NEDD4: variants seen among roughly 807,000 people sequenced by gnomAD.
NEDD4 encodes the protein E3 ubiquitin-protein ligase NEDD4.
In NEDD4, 99 loss-of-function variants were observed where a neutral mutation model predicts 144.9. The observed-to-expected ratio is 0.68, with a 90% CI of 0.58 to 0.81. The LOEUF (loss-of-function observed/expected upper bound fraction) is 0.81. Among genes scored for constraint, NEDD4 ranks in the 30% least tolerant of loss-of-function variants. The pLI, the probability that NEDD4 is intolerant of heterozygous loss-of-function variation, is 0.00. For missense variants in NEDD4, 985 were observed against 1,065.9 expected (o/e 0.92, Z 1.06); for synonymous variants, 318 against 350.6 (o/e 0.91, Z 1.04).
intron 5 of NEDD4, among the ~76,000 whole-genome samples, chr15:55,879,785 T>A (rs917455816): frequency 6.6e-6 from 1 of 151,922 alleles, no homozygotes; most frequent in Non-Finnish European, 1.5e-5. Flanking sequence ...AACTTCAAGA[T>A]AGAGTTAGAA....
chr15:55,930,083 G>A (rs917639234), intron 4 of NEDD4, among the ~76,000 whole-genome samples: 2 of 152,052 alleles, frequency 1.3e-5, no homozygotes, highest in Non-Finnish European at 2.9e-5. Context: ...AACCCCTAAT[G>A]CCCTAAAAAA....
chr15:55,873,389 A>C (rs1470600054), intron 6 of NEDD4, among the ~76,000 whole-genome samples: 1 of 152,182 alleles, frequency 6.6e-6, no homozygotes, highest in Non-Finnish European at 1.5e-5. Context: ...TTTGTCCAAA[A>C]ATAAATTTTT....
intron 21 of NEDD4, 151 bp from the exon 22 acceptor site, chr15:55,838,755 T>G (rs1335808692): frequency 5.7e-6 from 3 of 526,616 alleles, no homozygotes; most frequent in Non-Finnish European, 1.0e-5. Flanking sequence ...CAAAAATGTA[T>G]GTGTGTATGT....
intron 1 of NEDD4, among the ~76,000 whole-genome samples, chr15:55,986,531 C>G (rs2140453339): frequency 6.6e-6 from 1 of 151,050 alleles, no homozygotes; most frequent in Non-Finnish European, 1.5e-5. Flanking sequence ...TAAACAGACC[C>G]AAACAGACCC....
At chr15:55,851,420 T>C (rs1231492178) in intron 13 of NEDD4, among the ~76,000 whole-genome samples, 1 of 151,642 alleles carries the variant, frequency 6.6e-6, no homozygotes, top group Non-Finnish European at 1.5e-5. Flanking sequence ...ATAAAATGAG[T>C]GTTCTCTCGT....
chr15:55,922,014 TCA>T (rs2036577194), intron 5 of NEDD4, among the ~76,000 whole-genome samples: 1 of 152,196 alleles, frequency 6.6e-6, no homozygotes, highest in African/African-American at 2.4e-5. Context: ...CAGGCAAAAT[TCA>T]CATCGGTATC....
chr15:55,853,727 C>CGTAT, intron 12 of NEDD4, among the ~76,000 whole-genome samples: 1 of 152,178 alleles, frequency 6.6e-6, no homozygotes, highest in African/African-American at 2.4e-5. Context: ...GATGGCTCAC[C>CGTAT]CCTGTAATCC....
At chr15:55,950,636 A>C (rs1373595842) in intron 4 of NEDD4, among the ~76,000 whole-genome samples, 1 of 152,160 alleles carries the variant, frequency 6.6e-6, no homozygotes, top group Non-Finnish European at 1.5e-5. Context: ...ATGGGGATTT[A>C]GAGTACAGTG....
chr15:55,980,793 G>A (rs1020990629), intron 1 of NEDD4, among the ~76,000 whole-genome samples: 1 of 149,090 alleles, frequency 6.7e-6, no homozygotes, highest in Non-Finnish European at 1.5e-5. Flanking sequence ...TGTGTGTAGG[G>A]GTGTGTGTGT....
At chr15:55,932,823 G>GA (rs1298260824) in intron 4 of NEDD4, among the ~76,000 whole-genome samples, 8 of 150,500 alleles carry the variant, frequency 5.3e-5, no homozygotes, top group African/African-American at 1.5e-4. Flanking sequence ...AAATTTACAA[G>GA]AAAAAAAAAT....
intron 19 of NEDD4, among the ~76,000 whole-genome samples, chr15:55,841,214 G>A (rs1483173038): frequency 1.3e-5 from 2 of 152,222 alleles, no homozygotes; most frequent in Admixed American, 6.5e-5. Flanking sequence ...TTACAGGCAT[G>A]AGCCACCACG....
intron 2 of NEDD4, among the ~76,000 whole-genome samples, chr15:55,956,206 T>G (rs2037335680): frequency 1.3e-5 from 2 of 152,346 alleles, no homozygotes; most frequent in South Asian, 4.1e-4. Context: ...CATTTGACAA[T>G]GGACATTTAG....
chr15:55,841,065 C>G (rs1221659067), intron 19 of NEDD4, among the ~76,000 whole-genome samples: 1 of 152,134 alleles, frequency 6.6e-6, no homozygotes, highest in Non-Finnish European at 1.5e-5. Flanking sequence ...TCCCAAGTAG[C>G]TGGAATTACA....
Position 55,829,177 on chromosome 15 carries a change from C to T in NEDD4, c.*720G>A, listed in dbSNP as rs1385256501. 1 of 152,246 alleles carries T rather than the reference C, an allele frequency of 6.6e-6. No homozygotes were observed. Among genetic ancestry groups the T allele is most frequent in the African/African-American group, 2.4e-5 (1 of 41,442 alleles). The allele number at this position is 152,246 out of a possible 1,614,324, so 9.4% of individuals were successfully genotyped here. Reference sequence around the variant, plus strand: ...GAGAAAGGCTTTAATACTTTTTACCCATTGCAAATATGAATTTGCTTCACA... The same window carrying T: ...GAGAAAGGCTTTAATACTTTTTACCTATTGCAAATATGAATTTGCTTCACA... On this transcript the variant is annotated 3_prime_UTR_variant, in exon 29 of 29. Transcript: ENST00000435532.
chr15:55,907,878 A>G (rs561224454), intron 5 of NEDD4, among the ~76,000 whole-genome samples: 29 of 152,326 alleles, frequency 1.9e-4, no homozygotes, highest in African/African-American at 6.5e-4. Context: ...CTATCCAGAC[A>G]CCCAGTTATA....
intron 2 of NEDD4, among the ~76,000 whole-genome samples, chr15:55,964,288 C>CTGTTGT (rs77913535): frequency 6.6e-5 from 10 of 151,850 alleles, no homozygotes; most frequent in South Asian, 4.2e-4. Context: ...CCTCAAGGCT[C>CTGTTGT]TGTTGTTGTT....
chr15:55,985,312 C>A (rs1192673035), intron 1 of NEDD4, among the ~76,000 whole-genome samples: 1 of 152,188 alleles, frequency 6.6e-6, no homozygotes, highest in African/African-American at 2.4e-5. Context: ...GTGAATTTCA[C>A]AGAGGTGCAT....
chr15:55,930,275 C>G (rs2036754465), intron 4 of NEDD4, among the ~76,000 whole-genome samples: 1 of 152,158 alleles, frequency 6.6e-6, no homozygotes, highest in Non-Finnish European at 1.5e-5. Context: ...AAAATATTTA[C>G]TATCTGTCCC....
chr15:55,964,355 C>T (rs767004068), intron 2 of NEDD4, among the ~76,000 whole-genome samples: 6 of 152,008 alleles, frequency 3.9e-5, no homozygotes, highest in African/African-American at 9.7e-5. Flanking sequence ...CTTCCAACTG[C>T]GTAACAATTT....
Sources: gnomAD v4.1 joint callset for allele counts (sites outside exome capture counted in the v4.1 genomes callset) on GRCh38, gnomAD v4.1.1 for gene constraint, MANE v1.5 for transcripts, NCBI Gene and HGNC (gene_info 2026-07-23, HGNC 2026-07-21) for gene names.